The following ARHGAP35 variants were observed in gnomAD, a reference collection of about 807,000 sequenced individuals.
The protein encoded by ARHGAP35 is rho GTPase-activating protein 35.
Under a neutral mutation model 111.1 loss-of-function variants are expected in ARHGAP35, and 15 were observed. The ratio of observed to expected loss-of-function variants is 0.13; its 90% CI spans 0.09 to 0.21. The LOEUF is 0.21. ARHGAP35 is among the 10% of genes least tolerant of loss of function. The pLI is 1.00. For synonymous variants in ARHGAP35, 643 were observed against 710.3 expected (o/e 0.91, Z 1.51); for missense variants, 1,262 against 1,873.0 (o/e 0.67, Z 6.02).
chr19:47,001,436 A>G lies in ARHGAP35; in HGVS notation c.*748A>G. The G allele has an allele frequency of 8.0e-7, 1 of 1,256,196 alleles. No homozygotes were observed. Among genetic ancestry groups the G allele is most frequent in the Non-Finnish European group, 1.0e-6 (1 of 958,954 alleles). The allele number at this position is 1,256,196 out of a possible 1,614,324, so 77.8% of individuals were successfully genotyped here. The stretch of plus-strand genomic sequence containing the variant: ...AGGAAGAAACCACAGAAAGAAAACT[A>G]CAGACCTCAAGATTCCACTCTGTGC... On this transcript the variant is annotated 3_prime_UTR_variant, in exon 7 of 7. Transcript: ENST00000672722. This position sits in a 1 kb window ranked among gnomAD's most constrained non-coding sequence, Gnocchi z 5.4.
chr19:46,890,827 A>G (rs576901226), intron 1 of ARHGAP35, among the ~76,000 whole-genome samples: 2 of 152,332 alleles, frequency 1.3e-5, no homozygotes, highest in East Asian at 1.9e-4. Context: ...TCTGTCGACA[A>G]CAGTATACGG....
intron 3 of ARHGAP35, chr19:46,946,500 G>C (rs1262650942): frequency 6.6e-6 from 1 of 152,204 alleles, no homozygotes; most frequent in Non-Finnish European, 1.5e-5. Context: ...ACCTGTCATA[G>C]TAATTTAGCT....
At chr19:46,892,793 G>A (rs2056032419) in intron 1 of ARHGAP35, among the ~76,000 whole-genome samples, 3 of 151,930 alleles carry the variant, frequency 2.0e-5, no homozygotes, top group Admixed American at 6.6e-5. Flanking sequence ...CTGAGTTGGG[G>A]CGTCTCTGCA....
At position 46,994,156 on chromosome 19, in the gene ARHGAP35, G is replaced by A. The variant is rs371488574; in HGVS notation, c.4036+4481G>A. Among the ~76,000 whole-genome samples, 11 of 152,242 alleles carry A rather than the reference G, an allele frequency of 7.2e-5. No homozygotes were observed. Among genetic ancestry groups the A allele is most frequent in the African/African-American group, 1.4e-4 (6 of 41,550 alleles). On this transcript the variant is annotated intron_variant, in intron 5 of 6. Coordinates refer to ENST00000672722, the MANE Select transcript of ARHGAP35 (RefSeq NM_004491.5). The surrounding 1 kb of genome is among the most constrained non-coding windows in gnomAD (Gnocchi z 5.4). The stretch of plus-strand genomic sequence containing the variant: ...TGGGCACCTGTACCATGGCGGGTCC[G>A]GGTTGCAGCAGCTCACCCAGGGCTG...
chr19:46,991,362 C>T (rs944338647), intron 5 of ARHGAP35, among the ~76,000 whole-genome samples: 8 of 152,208 alleles, frequency 5.3e-5, no homozygotes, highest in African/African-American at 1.4e-4. Context: ...TCCTGCCACC[C>T]GGCAGAACCC....
chr19:46,881,129 G>A (rs2055960471), intron 1 of ARHGAP35, among the ~76,000 whole-genome samples: 1 of 152,000 alleles, frequency 6.6e-6, no homozygotes, highest in African/African-American at 2.4e-5. Context: ...TTTTCGAGTA[G>A]AGATGGGGTT....
chr19:46,930,981 A>G (rs2056269615), intron 2 of ARHGAP35, among the ~76,000 whole-genome samples: 1 of 152,096 alleles, frequency 6.6e-6, no homozygotes, highest in Non-Finnish European at 1.5e-5. Flanking sequence ...GCCTAGTAGA[A>G]TATTTGTTGT....
chr19:46,924,852 C>T (rs1279728045), intron 2 of ARHGAP35, among the ~76,000 whole-genome samples: 1 of 152,224 alleles, frequency 6.6e-6, no homozygotes, highest in Admixed American at 6.5e-5. Context: ...TATATTCTGA[C>T]TTCTAGCTAC....
intron 3 of ARHGAP35, 54 bp downstream of exon 3, chr19:46,937,462 ACT>A: frequency 6.3e-7 from 1 of 1,588,502 alleles, no homozygotes. Flanking sequence ...CAGGATGCTT[ACT>A]GGAGGGTCAA....
intron 1 of ARHGAP35, among the ~76,000 whole-genome samples, chr19:46,898,813 T>C (rs996890523): frequency 1.4e-5 from 2 of 147,320 alleles, no homozygotes; most frequent in Non-Finnish European, 3.0e-5. Context: ...GCTGCTGCTG[T>C]TGGAGCTGTA....
chr19:46,979,158 C>G (rs1357122833), intron 3 of ARHGAP35, among the ~76,000 whole-genome samples: 2 of 151,858 alleles, frequency 1.3e-5, no homozygotes, highest in Non-Finnish European at 2.9e-5. Flanking sequence ...CGGTCTGTTT[C>G]TTTGTTGGTG....
In ARHGAP35 at chr19:46,901,428, C is replaced by T. The variant is rs1206832587; in HGVS notation, c.-188-17060C>T. ...CAAAAATTAGCTAGGCATGGTGACG[C>T]GTGCCTGTAGTTCCAGCTACTTGGA... On this transcript the variant is annotated intron_variant, in intron 1 of 6. Coordinates refer to ENST00000672722, the MANE Select transcript of ARHGAP35 (RefSeq NM_004491.5). This position sits in a 1 kb window ranked among gnomAD's most constrained non-coding sequence, Gnocchi z 4.5. Among the ~76,000 whole-genome samples, 6 of 152,110 alleles carry T rather than the reference C, an allele frequency of 3.9e-5. No homozygotes were observed. The highest frequency in any genetic ancestry group is 1.9e-4 in the East Asian group (1 of 5,186).
intron 1 of ARHGAP35, among the ~76,000 whole-genome samples, chr19:46,870,502 C>A (rs1049670432): frequency 6.6e-6 from 1 of 151,954 alleles, no homozygotes; most frequent in Non-Finnish European, 1.5e-5. Context: ...TGGCGTGAAC[C>A]CAGGAGGCGG....
Position 46,922,662 on chromosome 19 carries a change from A to G in ARHGAP35, c.3681+306A>G, listed in dbSNP as rs918292738. Among the ~76,000 whole-genome samples, 2 of 152,186 alleles carry G rather than the reference A, an allele frequency of 1.3e-5. No homozygotes were observed. Among genetic ancestry groups the G allele is most frequent in the Non-Finnish European group, 2.9e-5 (2 of 68,038 alleles). ...ACAAGTGGCCAAGCGCAGTGACAAT[A>G]CACTTGCTCTCCCTTCACTGAAACA... On this transcript the variant is annotated intron_variant, in intron 2 of 6. Transcript: ENST00000672722. The surrounding 1 kb of genome is among the most constrained non-coding windows in gnomAD (Gnocchi z 4.0).
intron 1 of ARHGAP35, among the ~76,000 whole-genome samples, chr19:46,894,288 G>C (rs1599803512): frequency 6.6e-6 from 1 of 152,046 alleles, no homozygotes; most frequent in East Asian, 1.9e-4. Context: ...TTACCTTGAG[G>C]TTAGTTTTTG....
In ARHGAP35 at chr19:46,866,997, T is replaced by C. The variant is rs374439505; in HGVS notation, c.-189+5788T>C. 5.2e-4 allele frequency among the ~76,000 whole-genome samples: 79 copies of C among 152,344 alleles called. 3 individuals carry two copies. In the South Asian group the frequency reaches 0.016, roughly 31 times the overall value. The stretch of plus-strand genomic sequence containing the variant: ...AGAAATGCAAACAAATAATTCGTGT[T>C]CATCTTCCCAAAACTTTTGATCCAG... On this transcript the variant is annotated intron_variant, in intron 1 of 6. Coordinates refer to ENST00000672722, the MANE Select transcript of ARHGAP35 (RefSeq NM_004491.5).
chr19:46,934,739 A>G (rs910518110), intron 2 of ARHGAP35, among the ~76,000 whole-genome samples: 1 of 151,904 alleles, frequency 6.6e-6, no homozygotes, highest in African/African-American at 2.4e-5. Context: ...GCACGATCTC[A>G]GCTCACTACA....
intron 3 of ARHGAP35, among the ~76,000 whole-genome samples, chr19:46,937,852 G>A (rs1364168833): frequency 2.0e-5 from 3 of 152,172 alleles, no homozygotes; most frequent in South Asian, 2.1e-4. Flanking sequence ...AGCATTGTTC[G>A]GATGCCTGAG....
chr19:46,912,272 G>C (rs2056141116), intron 1 of ARHGAP35, among the ~76,000 whole-genome samples: 1 of 151,836 alleles, frequency 6.6e-6, no homozygotes, highest in Admixed American at 6.6e-5. Flanking sequence ...TCAAACTCCT[G>C]ACCTCAGGTG....
Sources: allele counts gnomAD v4.1 joint callset (sites outside exome capture counted in the v4.1 genomes callset), GRCh38; gene constraint gnomAD v4.1.1; non-coding constraint Gnocchi (gnomAD v3.1); transcripts MANE v1.5; gene names NCBI Gene and HGNC (gene_info 2026-07-23, HGNC 2026-07-21).